Variants in WWOX observed in about 807,000 individuals in gnomAD.
WWOX encodes the protein WW domain-containing oxidoreductase.
In WWOX, 69 loss-of-function variants were observed where a neutral mutation model predicts 46.2. The observed-to-expected ratio is 1.49, with a 90% CI of 1.23 to 1.82. The LOEUF (loss-of-function observed/expected upper bound fraction) is 1.82. WWOX is among the 40% of genes most tolerant of loss of function. The pLI is 0.00. For synonymous variants in WWOX, 359 were observed against 202.6 expected (o/e 1.77, Z -6.56); for missense variants, 919 against 542.6 (o/e 1.69, Z -6.89).
At chr16:78,846,225 C>T (rs1014546818) in intron 8 of WWOX, among the ~76,000 whole-genome samples, 4 of 152,136 alleles carry the variant, frequency 2.6e-5, no homozygotes, top group Non-Finnish European at 5.9e-5. Flanking sequence ...ACTCAGCTTC[C>T]CCTAATACTA....
intron 8 of WWOX, among the ~76,000 whole-genome samples, chr16:78,953,904 G>T (rs563460367): frequency 1.3e-5 from 2 of 152,106 alleles, no homozygotes; most frequent in Non-Finnish European, 2.9e-5. Flanking sequence ...CTTATATTGC[G>T]TTTATTTTTA....
chr16:78,293,206 A>G (rs986675007), intron 5 of WWOX, among the ~76,000 whole-genome samples: 4 of 152,200 alleles, frequency 2.6e-5, no homozygotes, highest in African/African-American at 9.6e-5. Context: ...GCCACTAGTT[A>G]ACTCAGCTGC....
chr16:79,023,443 G>A (rs1360569541), intron 8 of WWOX, among the ~76,000 whole-genome samples: 1 of 152,162 alleles, frequency 6.6e-6, no homozygotes, highest in African/African-American at 2.4e-5. Context: ...GGGGCTGACT[G>A]AGACTGGGGA....
intron 8 of WWOX, among the ~76,000 whole-genome samples, chr16:78,809,682 G>C (rs560386537): frequency 1.3e-5 from 2 of 152,290 alleles, no homozygotes; most frequent in Non-Finnish European, 2.9e-5. Flanking sequence ...TCTAGAAAGA[G>C]GACTGGGAGT....
chr16:78,611,318 G>A (rs1033157372), intron 8 of WWOX, among the ~76,000 whole-genome samples: 1 of 152,174 alleles, frequency 6.6e-6, no homozygotes, highest in Admixed American at 6.5e-5. Context: ...CCCTGTCAAC[G>A]CAATTAGATA....
intron 8 of WWOX, among the ~76,000 whole-genome samples, chr16:78,727,263 G>A (rs566849454): frequency 1.0e-3 from 157 of 152,300 alleles, no homozygotes; most frequent in Non-Finnish European, 1.4e-3. Context: ...GCTGGGTTTG[G>A]TGACAAACGC....
intron 4 of WWOX, among the ~76,000 whole-genome samples, chr16:78,134,777 A>G (rs953601140): frequency 3.9e-5 from 6 of 152,198 alleles, no homozygotes; most frequent in Non-Finnish European, 7.3e-5. Context: ...TAAGAGTATA[A>G]CGTTGGTTTT....
At chr16:79,000,627 A>G (rs963844423) in intron 8 of WWOX, among the ~76,000 whole-genome samples, 2 of 152,200 alleles carry the variant, frequency 1.3e-5, no homozygotes, top group Admixed American at 6.5e-5. Context: ...CTCTCCCAGA[A>G]CTTCCAGAAA....
chr16:79,086,815 G>C (rs531631613), intron 8 of WWOX, among the ~76,000 whole-genome samples: 1 of 152,330 alleles, frequency 6.6e-6, no homozygotes, highest in African/African-American at 2.4e-5. Flanking sequence ...GCTGGGAGGT[G>C]AAGGATGCAG....
intron 5 of WWOX, among the ~76,000 whole-genome samples, chr16:78,169,100 A>G (rs1251059239): frequency 6.6e-6 from 1 of 152,138 alleles, no homozygotes; most frequent in East Asian, 1.9e-4. Flanking sequence ...GCTTGTTCCT[A>G]TGTTGTGGAA....
chr16:78,594,663 C>T (rs1312397901), intron 8 of WWOX, among the ~76,000 whole-genome samples: 2 of 152,070 alleles, frequency 1.3e-5, no homozygotes, highest in Non-Finnish European at 2.9e-5. Flanking sequence ...TTTCTCAGGG[C>T]AGCGTGGGAC....
At chr16:78,479,923 A>T (rs1001849939) in intron 8 of WWOX, among the ~76,000 whole-genome samples, 2 of 152,192 alleles carry the variant, frequency 1.3e-5, no homozygotes, top group Non-Finnish European at 2.9e-5. Flanking sequence ...ACCAATGACA[A>T]TGGAGCATCT....
At chr16:79,173,420 G>C (rs2050740266) in intron 8 of WWOX, among the ~76,000 whole-genome samples, 1 of 152,182 alleles carries the variant, frequency 6.6e-6, no homozygotes, top group African/African-American at 2.4e-5. Flanking sequence ...ACACCCACGT[G>C]CATGACCCAA....
intron 4 of WWOX, among the ~76,000 whole-genome samples, chr16:78,143,752 GTTTTTTTTTT>G (rs200125720): frequency 8.3e-6 from 1 of 120,240 alleles, no homozygotes; most frequent in Admixed American, 9.3e-5. Context: ...GAATTGGTAT[GTTTTTTTTTT>G]TTTTTTTTTG....
intron 8 of WWOX, among the ~76,000 whole-genome samples, chr16:79,025,158 G>A (rs2047612705): frequency 6.6e-6 from 1 of 152,112 alleles, no homozygotes; most frequent in Non-Finnish European, 1.5e-5. Context: ...GTTGAGCAAG[G>A]GAATGCGGTT....
At chr16:78,879,121 A>G (rs2044291028) in intron 8 of WWOX, among the ~76,000 whole-genome samples, 1 of 152,146 alleles carries the variant, frequency 6.6e-6, no homozygotes, top group South Asian at 2.1e-4. Context: ...TGTAATCCTA[A>G]GTACTTGTTA....
intron 8 of WWOX, among the ~76,000 whole-genome samples, chr16:78,490,079 T>G (rs545263995): frequency 6.0e-4 from 92 of 152,260 alleles, no homozygotes; most frequent in African/African-American, 2.1e-3. Context: ...TTAGAGACAA[T>G]TTCTAGTTCT....
At chr16:79,145,111 A>G (rs2050161055) in intron 8 of WWOX, among the ~76,000 whole-genome samples, 1 of 152,152 alleles carries the variant, frequency 6.6e-6, no homozygotes, top group South Asian at 2.1e-4. Context: ...AGCTTGTTGA[A>G]AGGGTATTAA....
intron 8 of WWOX, among the ~76,000 whole-genome samples, chr16:78,976,814 G>T (rs944401709): frequency 6.6e-6 from 1 of 152,202 alleles, no homozygotes; most frequent in African/African-American, 2.4e-5. Flanking sequence ...GACAGTGTCA[G>T]TGTCTTTAAT....
Sources: allele counts gnomAD v4.1 joint callset (sites outside exome capture counted in the v4.1 genomes callset), GRCh38; gene constraint gnomAD v4.1.1; transcripts MANE v1.5; gene names NCBI Gene and HGNC (gene_info 2026-07-23, HGNC 2026-07-21).